NELL2: variants seen among roughly 807,000 people sequenced by gnomAD.
NELL2 encodes neural EGFL like 2.
NELL2 carries 41 observed loss-of-function variants against 109.6 expected under a neutral mutation model. The observed-to-expected ratio is 0.37, with a 90% CI of 0.29 to 0.49. NELL2 has a LOEUF of 0.49. Among genes scored for constraint, NELL2 ranks in the 20% least tolerant of loss-of-function variants. NELL2 has a pLI of 0.98. For missense variants in NELL2, 900 were observed against 1,008.3 expected (o/e 0.89, Z 1.45); for synonymous variants, 355 against 344.7 (o/e 1.03, Z -0.33).
chr12:44,571,739 A>G (rs566823967), intron 15 of NELL2, among the ~76,000 whole-genome samples: 1 of 152,344 alleles, frequency 6.6e-6, no homozygotes, highest in East Asian at 1.9e-4. Context: ...TTACCCTTAG[A>G]CATAGATATT....
chr12:44,865,804 T>A (rs2952831), intron 2 of NELL2, among the ~76,000 whole-genome samples: 104,028 of 128,926 alleles, frequency 0.81, 41,760 homozygotes, highest in Middle Eastern at 0.94. Context: ...CCTAAAACTT[T>A]AAGTATAATA....
chr12:44,754,604 G>A (rs894338628), intron 9 of NELL2, among the ~76,000 whole-genome samples: 8 of 152,102 alleles, frequency 5.3e-5, no homozygotes, highest in East Asian at 1.9e-4. Context: ...ATTCCTAGAA[G>A]CATCACTACT....
At chr12:44,684,546 T>C (rs982884925) in intron 12 of NELL2, among the ~76,000 whole-genome samples, 1 of 152,238 alleles carries the variant, frequency 6.6e-6, no homozygotes, top group African/African-American at 2.4e-5. Flanking sequence ...CTTTCTCTTG[T>C]GGGCAATTAG....
intron 2 of NELL2, among the ~76,000 whole-genome samples, chr12:44,864,315 C>T (rs948053919): frequency 6.6e-6 from 1 of 151,940 alleles, no homozygotes; most frequent in Non-Finnish European, 1.5e-5. Flanking sequence ...CAGATACATG[C>T]CACCTATAAG....
At chr12:44,567,086 A>G (rs1943691243) in intron 15 of NELL2, among the ~76,000 whole-genome samples, 1 of 152,232 alleles carries the variant, frequency 6.6e-6, no homozygotes, top group Admixed American at 6.5e-5. Flanking sequence ...CTGGGATTAC[A>G]GGCGTGAGCC....
intron 2 of NELL2, among the ~76,000 whole-genome samples, chr12:44,836,284 G>A (rs1944052345): frequency 1.3e-5 from 2 of 152,154 alleles, no homozygotes; most frequent in Non-Finnish European, 2.9e-5. Context: ...ACACTAGGCG[G>A]GTGAGATCCC....
intron 16 of NELL2, chr12:44,532,374 A>G (rs537758342): frequency 1.1e-4 from 40 of 379,496 alleles, no homozygotes; most frequent in African/African-American, 7.5e-4. Flanking sequence ...AAACTGGGTT[A>G]GTGTCACAAA....
intron 15 of NELL2, among the ~76,000 whole-genome samples, chr12:44,558,466 T>C (rs1943337773): frequency 6.6e-6 from 1 of 151,994 alleles, no homozygotes; most frequent in Non-Finnish European, 1.5e-5. Context: ...ACCTGGCTCA[T>C]GTTATTGGGA....
chr12:44,806,740 T>C (rs1450545), intron 3 of NELL2, among the ~76,000 whole-genome samples: 64,322 of 151,598 alleles, frequency 0.42, 14,820 homozygotes, highest in Non-Finnish European at 0.51. Flanking sequence ...AGTAATTTTT[T>C]GCATTTGCAT....
At chr12:44,743,632 A>C (rs1428730771) in intron 9 of NELL2, among the ~76,000 whole-genome samples, 11 of 152,236 alleles carry the variant, frequency 7.2e-5, no homozygotes, top group Non-Finnish European at 1.3e-4. Context: ...AAAATAAAAA[A>C]AGGCAGAGGT....
chr12:44,632,946 T>C (rs1214840709), intron 13 of NELL2, among the ~76,000 whole-genome samples: 2 of 151,860 alleles, frequency 1.3e-5, no homozygotes, highest in East Asian at 3.9e-4. Flanking sequence ...ACTACACTAG[T>C]GGATAGGACT....
intron 3 of NELL2, among the ~76,000 whole-genome samples, chr12:44,798,793 T>C (rs1020321234): frequency 2.0e-5 from 3 of 152,042 alleles, no homozygotes; most frequent in Non-Finnish European, 4.4e-5. Context: ...TGGAGCTGTA[T>C]AGATAGTTTA....
chr12:44,766,989 T>C (rs1486658062), intron 9 of NELL2, among the ~76,000 whole-genome samples: 1 of 152,202 alleles, frequency 6.6e-6, no homozygotes, highest in Non-Finnish European at 1.5e-5. Flanking sequence ...AGTGAAGAAC[T>C]AGAAGCTGAG....
At chr12:44,691,730 G>C (rs1348487528) in intron 12 of NELL2, among the ~76,000 whole-genome samples, 1 of 152,124 alleles carries the variant, frequency 6.6e-6, no homozygotes, top group East Asian at 1.9e-4. Flanking sequence ...TGATGACATG[G>C]AGAAAGTATG....
At chr12:44,684,469 GTGTTTGCTCTTGCTTTTCTAGTTC>G (rs1382457500) in intron 12 of NELL2, among the ~76,000 whole-genome samples, 2 of 152,056 alleles carry the variant, frequency 1.3e-5, no homozygotes, top group Admixed American at 6.6e-5. Context: ...GCTTTTGAAT[GTGTTTGCTCTTGCTTTTCTAGTTC>G]TTTTAATTGT....
intron 15 of NELL2, among the ~76,000 whole-genome samples, chr12:44,595,424 T>G (rs889441366): frequency 1.3e-5 from 2 of 152,104 alleles, no homozygotes; most frequent in Non-Finnish European, 2.9e-5. Flanking sequence ...TACTTTAACT[T>G]GTTTTTTGTT....
intron 2 of NELL2, among the ~76,000 whole-genome samples, chr12:44,857,464 C>T (rs943663621): frequency 5.3e-5 from 8 of 152,002 alleles, no homozygotes; most frequent in Admixed American, 2.0e-4. Context: ...ACAGGAGATC[C>T]GTCAACATTC....
chr12:44,670,456 A>C (rs969425449), intron 12 of NELL2, among the ~76,000 whole-genome samples: 4 of 152,016 alleles, frequency 2.6e-5, no homozygotes, highest in African/African-American at 9.7e-5. Flanking sequence ...ATATGACAGA[A>C]ATCCCCACCT....
At chr12:44,614,308 T>C (rs1011600800) in intron 13 of NELL2, among the ~76,000 whole-genome samples, 7 of 151,968 alleles carry the variant, frequency 4.6e-5, no homozygotes, top group African/African-American at 1.7e-4. Context: ...ATTTGAAATT[T>C]AAATGAAATG....
Sources: gnomAD v4.1 joint callset for allele counts (sites outside exome capture counted in the v4.1 genomes callset) on GRCh38, gnomAD v4.1.1 for gene constraint, MANE v1.5 for transcripts, NCBI Gene and HGNC (gene_info 2026-07-23, HGNC 2026-07-21) for gene names.